The following ATXN1 variants were observed in gnomAD, a reference collection of about 807,000 sequenced individuals.
ATXN1 encodes the protein ataxin 1, also known as ataxin-1.
Under a neutral mutation model 56.4 loss-of-function variants are expected in ATXN1, and 8 were observed. The ratio of observed to expected loss-of-function variants is 0.14; its 90% CI spans 0.08 to 0.26. ATXN1 has a LOEUF of 0.26. Ranked by LOEUF, ATXN1 falls within the 10% of genes least tolerant of loss-of-function variation. ATXN1 has a pLI of 1.00. For synonymous variants in ATXN1, 514 were observed against 494.6 expected (o/e 1.04, Z -0.52); for missense variants, 987 against 1,106.5 (o/e 0.89, Z 1.53).
intron 2 of ATXN1, among the ~76,000 whole-genome samples, chr6:16,741,849 C>A (rs903927882): frequency 1.7e-4 from 26 of 152,334 alleles, no homozygotes; most frequent in South Asian, 1.0e-3. Context: ...AGAAAGTAGT[C>A]TTCCTCCTTT....
intron 2 of ATXN1, among the ~76,000 whole-genome samples, chr6:16,734,555 T>G (rs2113491586): frequency 6.6e-6 from 1 of 152,348 alleles, no homozygotes; most frequent in East Asian, 1.9e-4. Flanking sequence ...TCGCTCAGGC[T>G]GGAGTGTAGT....
intron 3 of ATXN1, among the ~76,000 whole-genome samples, chr6:16,629,610 C>T (rs2113808889): frequency 6.6e-6 from 1 of 152,120 alleles, no homozygotes; most frequent in Admixed American, 6.6e-5. Context: ...ATGAAAATAA[C>T]CTTTTTAAAA....
At chr6:16,628,815 G>A (rs1430704647) in intron 3 of ATXN1, among the ~76,000 whole-genome samples, 1 of 152,138 alleles carries the variant, frequency 6.6e-6, no homozygotes, top group African/African-American at 2.4e-5. Context: ...TTTTATGGCT[G>A]CATAGTATTC....
chr6:16,616,548 TATATA>T (rs1354989649), intron 3 of ATXN1, among the ~76,000 whole-genome samples: 2 of 146,174 alleles, frequency 1.4e-5, no homozygotes, highest in African/African-American at 2.5e-5. Context: ...TCAAAAAATA[TATATA>T]ATATATTTTA....
rs547727410 is a variant in ATXN1, at chr6:16,487,363, T to TA, written c.-298-1255dup. Among the ~76,000 whole-genome samples, 68 of 152,130 alleles carry TA rather than the reference T, an allele frequency of 4.5e-4. 1 individual carries two copies. The East Asian group carries it at 0.012, about 26-fold the overall frequency. ...ACAAAAAAGAGTGGTCCTTTATCTC[T>TA]AAAAAAAGGCAAGAATGAATAATAA... On this transcript the variant is annotated intron_variant, in intron 5 of 7. Transcript: ENST00000436367.
intron 6 of ATXN1, among the ~76,000 whole-genome samples, chr6:16,395,126 C>T (rs1364424483): frequency 6.6e-6 from 1 of 151,900 alleles, no homozygotes; most frequent in East Asian, 1.9e-4. Flanking sequence ...ACAAAATTAG[C>T]TGGGCATGGT....
At chr6:16,478,660 C>T (rs1289831176) in intron 6 of ATXN1, among the ~76,000 whole-genome samples, 3 of 152,108 alleles carry the variant, frequency 2.0e-5, no homozygotes, top group East Asian at 1.9e-4. Flanking sequence ...GGTAGCAACT[C>T]GTAGGAGCCC....
At chr6:16,727,616 G>A (rs1179348420) in intron 2 of ATXN1, among the ~76,000 whole-genome samples, 3 of 152,076 alleles carry the variant, frequency 2.0e-5, no homozygotes, top group Non-Finnish European at 4.4e-5. Context: ...ATCATATAAT[G>A]CATGCAAACA....
At chr6:16,634,341 G>A (rs1237988182) in intron 3 of ATXN1, among the ~76,000 whole-genome samples, 1 of 151,984 alleles carries the variant, frequency 6.6e-6, no homozygotes. Flanking sequence ...TCTTTTCTGG[G>A]CCTCGGTTTT....
At chr6:16,671,064 A>G (rs1758529952) in intron 2 of ATXN1, among the ~76,000 whole-genome samples, 1 of 151,466 alleles carries the variant, frequency 6.6e-6, no homozygotes, top group Non-Finnish European at 1.5e-5. Context: ...TTGCTTTTAT[A>G]AAAGTCCTTG....
At chr6:16,467,143 G>T (rs1376003948) in intron 6 of ATXN1, among the ~76,000 whole-genome samples, 1 of 152,208 alleles carries the variant, frequency 6.6e-6, no homozygotes, top group African/African-American at 2.4e-5. Context: ...TGCCCTGGGC[G>T]GGGAGACAGA....
chr6:16,310,649 C>T (rs1760367514), intron 7 of ATXN1, among the ~76,000 whole-genome samples: 1 of 152,082 alleles, frequency 6.6e-6, no homozygotes, highest in Non-Finnish European at 1.5e-5. Context: ...CCACCACGCC[C>T]AGCTACTTTT....
chr6:16,722,212 G>A (rs1047752070), intron 2 of ATXN1, among the ~76,000 whole-genome samples: 4 of 152,238 alleles, frequency 2.6e-5, no homozygotes, highest in Non-Finnish European at 4.4e-5. Context: ...AAATGGCACT[G>A]CAGCAGGGGG....
chr6:16,590,233 T>C (rs1762699339), intron 3 of ATXN1, among the ~76,000 whole-genome samples: 1 of 152,226 alleles, frequency 6.6e-6, no homozygotes, highest in African/African-American at 2.4e-5. Context: ...TCATATGTGG[T>C]CTATTAGATG....
intron 6 of ATXN1, among the ~76,000 whole-genome samples, chr6:16,456,252 C>G (rs1759870597): frequency 6.6e-6 from 1 of 152,206 alleles, no homozygotes; most frequent in South Asian, 2.1e-4. Flanking sequence ...CTGGACACAT[C>G]TTGGGGGATC....
At chr6:16,703,256 T>C (rs1759327287) in intron 2 of ATXN1, among the ~76,000 whole-genome samples, 1 of 151,988 alleles carries the variant, frequency 6.6e-6, no homozygotes, top group African/African-American at 2.4e-5. Flanking sequence ...CCGCATGTTC[T>C]CACTCATAGG....
rs56277549 is a variant in ATXN1 at position 16,454,125 on chromosome 6, CAAAAAAAA to C, written c.-161+31839_-161+31846del. On this transcript the variant is annotated intron_variant, in intron 6 of 7. Transcript: ENST00000436367. ...GGGCAATAAGAGCGAGACTCTGTCTCAAAAAAAAAAAAAAAAAAAAAAAAAAAAACAGA... is the reference window on the plus strand; with the variant it reads ...GGGCAATAAGAGCGAGACTCTGTCTCAAAAAAAAAAAAAAAAAAAAACAGA... Among the ~76,000 whole-genome samples the C allele has an allele frequency of 4.8e-4, 37 of 76,670 alleles. No individual in the cohort carries two copies. The East Asian group carries it at 0.013, about 26-fold the overall frequency. The allele number at this position is 76,670 out of a possible 152,430, so 50.3% of individuals were successfully genotyped here.
Position 16,494,362 on chromosome 6 carries a change from T to C in ATXN1, c.-298-8253A>G, listed in dbSNP as rs1581800090. ...CAGTCCTTGGATACCTAGCATGCAC[T>C]CAGAATATTCTCTGTGTATATTAAC... is the stretch of plus-strand genomic sequence containing the variant. On this transcript the variant is annotated intron_variant, in intron 5 of 7. Transcript: ENST00000436367. Among the ~76,000 whole-genome samples, 3 of 152,238 alleles carry C rather than the reference T, an allele frequency of 2.0e-5. No homozygotes were observed. The East Asian group carries it at 5.8e-4, about 29-fold the overall frequency.
rs541292740 is a variant in ATXN1 at position 16,639,514 on chromosome 6, T to C, written c.-489+18262A>G. On this transcript the variant is annotated intron_variant, in intron 3 of 7. Transcript: ENST00000436367. Reference sequence around the variant, plus strand: ...TTTTAGTAGAGATGGGGTTTCTCCATGTTGGTCAGGCTGGTTCTTGAACTC... The same window carrying C: ...TTTTAGTAGAGATGGGGTTTCTCCACGTTGGTCAGGCTGGTTCTTGAACTC... Among the ~76,000 whole-genome samples, 4 of 152,314 alleles carry C rather than the reference T, an allele frequency of 2.6e-5. No individual in the cohort carries two copies. In the East Asian group the frequency reaches 7.7e-4, roughly 29 times the overall value.
Sources: allele counts gnomAD v4.1 joint callset (sites outside exome capture counted in the v4.1 genomes callset), GRCh38; gene constraint gnomAD v4.1.1; transcripts MANE v1.5; gene names NCBI Gene and HGNC (gene_info 2026-07-23, HGNC 2026-07-21).